MYH11: variants seen among roughly 807,000 people sequenced by gnomAD.
MYH11 encodes the protein myosin-11.
Under a neutral mutation model 246.6 loss-of-function variants are expected in MYH11, and 80 were observed. The observed-to-expected ratio is 0.32, with a 90% CI of 0.27 to 0.39. The LOEUF (loss-of-function observed/expected upper bound fraction) is 0.39. MYH11 is among the 10% of genes least tolerant of loss of function. MYH11 has a pLI of 1.00. For missense variants in MYH11, 2,158 were observed against 2,546.8 expected (o/e 0.85, Z 3.29); for synonymous variants, 1,071 against 1,015.5 (o/e 1.05, Z -1.04).
At position 15,718,395 on chromosome 16, in the gene MYH11, C is replaced by T. The variant is rs1029371842; in HGVS notation, c.5215G>A (p.Ala1739Thr). 1.1e-5 allele frequency: 18 copies of T among 1,598,956 alleles called. No homozygotes were observed. Among genetic ancestry groups the T allele is most frequent in the African/African-American group, 2.7e-5 (2 of 74,936 alleles). ...DEKRRLEARI[A>T]QLEEELEEEQ... Reference sequence around the variant, plus strand: ...TCCTCCAGCTCCTCCTCCAGCTGGGCGATCCGGGCCTCCAGGCGGCGCTTC... The same window carrying T: ...TCCTCCAGCTCCTCCTCCAGCTGGGTGATCCGGGCCTCCAGGCGGCGCTTC... Residue 1739 changes from alanine (A) to threonine (T), a missense_variant, in exon 37 of 41, where the codon GCC (alanine) becomes ACC (threonine). Coordinates refer to ENST00000300036, the MANE Select transcript of MYH11 (RefSeq NM_002474.3).
At chr16:15,821,733 A>C (rs1366288254) in intron 3 of MYH11, among the ~76,000 whole-genome samples, 3 of 147,338 alleles carry the variant, frequency 2.0e-5, no homozygotes, top group Non-Finnish European at 3.0e-5. Flanking sequence ...CCTGGCTAAC[A>C]AGGTGAAACC....
chr16:15,721,412 A>C lies in MYH11; in HGVS notation c.4578+10T>G, dbSNP rs1397405569. On this transcript the variant is annotated intron_variant, in intron 32 of 40. Transcript: ENST00000300036. The stretch of plus-strand genomic sequence containing the variant: ...AACATGGACGAGAAAAACCACCCAG[A>C]GCCACTTACGTTCTTGCCCACGTCA... The C allele has an allele frequency of 6.2e-7, 1 of 1,613,824 alleles. No homozygotes were observed. Among genetic ancestry groups the C allele is most frequent in the African/African-American group, 1.3e-5 (1 of 74,904 alleles).
At chr16:15,846,028 G>A (rs1318068532) in intron 1 of MYH11, among the ~76,000 whole-genome samples, 4 of 152,092 alleles carry the variant, frequency 2.6e-5, no homozygotes, top group Non-Finnish European at 5.9e-5. Context: ...GAACCCGGGA[G>A]GTGGAGGTTG....
At chr16:15,813,706 A>C (rs1428646666) in intron 3 of MYH11, among the ~76,000 whole-genome samples, 5 of 152,106 alleles carry the variant, frequency 3.3e-5, no homozygotes, top group Non-Finnish European at 5.9e-5. Flanking sequence ...TACATGAACC[A>C]GTTTAGCCGG....
chr16:15,847,732 A>G (rs2044233300), intron 1 of MYH11, among the ~76,000 whole-genome samples: 1 of 152,196 alleles, frequency 6.6e-6, no homozygotes, highest in African/African-American at 2.4e-5. Context: ...TCTGTACAAA[A>G]AAGGAGAGCT....
chr16:15,730,158 C>G (rs1207568081), intron 27 of MYH11, among the ~76,000 whole-genome samples: 1 of 151,930 alleles, frequency 6.6e-6, no homozygotes, highest in Non-Finnish European at 1.5e-5. Context: ...TTTCCTGAGG[C>G]CTCCCCAGAA....
At chr16:15,734,139 T>A (rs1247210016) in intron 26 of MYH11, among the ~76,000 whole-genome samples, 1 of 152,216 alleles carries the variant, frequency 6.6e-6, no homozygotes, top group African/African-American at 2.4e-5. Context: ...GAATCTTCAA[T>A]TGAAAACCAA....
chr16:15,727,601 C>T (rs1216094338), intron 27 of MYH11, among the ~76,000 whole-genome samples: 5 of 152,172 alleles, frequency 3.3e-5, no homozygotes, highest in African/African-American at 1.2e-4. Flanking sequence ...CCTTTCACTA[C>T]TTTTAAAAAA....
chr16:15,823,442 A>T, intron 2 of MYH11, 31 bp from the exon 3 acceptor site: 2 of 1,613,884 alleles, frequency 1.2e-6, no homozygotes, highest in South Asian at 1.1e-5. Flanking sequence ...TTACTTCCAG[A>T]CCTCCTCCAG....
At chr16:15,776,034 G>A in intron 8 of MYH11, 44 bp downstream of exon 8, 1 of 1,403,124 alleles carries the variant, frequency 7.1e-7, no homozygotes, top group South Asian at 1.2e-5. Flanking sequence ...TGATGAAAGG[G>A]AAGGCTCAAG....
At position 15,740,112 on chromosome 16, in the gene MYH11, T is replaced by C; in HGVS notation, c.2936A>G (p.Lys979Arg). 6.2e-7 allele frequency: 1 copy of C among 1,614,264 alleles called. No homozygotes were observed. Among genetic ancestry groups the C allele is most frequent in the Non-Finnish European group, 8.5e-7 (1 of 1,180,048 alleles). ...LQLEKVTAEAKIKKLEDEILV... is the reference protein window; with the variant it reads ...LQLEKVTAEARIKKLEDEILV... ...GATCTCATCCTCCAGTTTCTTGATC[T>C]TGGCCTCAGCCGTGACCTTCTCAAG... Residue 979 changes from lysine (K) to arginine (R), a missense_variant, in exon 23 of 41, where the codon AAG becomes AGG. Lys to Arg is a conservative substitution (Grantham distance 26). Around this residue, in one of 11 missense-constraint regions of MYH11, gnomAD observed 284 missense variants for 315.4 expected, o/e 0.90. Coordinates refer to ENST00000300036, the MANE Select transcript of MYH11 (RefSeq NM_002474.3).
intron 2 of MYH11, among the ~76,000 whole-genome samples, chr16:15,827,857 C>A (rs150946342): frequency 0.011 from 1,635 of 152,324 alleles, 19 homozygotes; most frequent in Non-Finnish European, 0.015. Flanking sequence ...CAATCAGTGT[C>A]CCCTGTCCCC....
intron 40 of MYH11, among the ~76,000 whole-genome samples, chr16:15,712,622 G>A (rs1472776994): frequency 1.3e-5 from 2 of 152,108 alleles, no homozygotes; most frequent in Non-Finnish European, 2.9e-5. Flanking sequence ...ATACCCTGGG[G>A]CGGTCTAGTG....
intron 40 of MYH11, among the ~76,000 whole-genome samples, chr16:15,705,736 CT>C (rs973010814): frequency 6.6e-6 from 1 of 152,076 alleles, no homozygotes; most frequent in Non-Finnish European, 1.5e-5. Flanking sequence ...AATCTCAGCA[CT>C]TTGGGAGGCT....
chr16:15,798,615 AAAAAAAAAC>A (rs753638602), intron 4 of MYH11, 36 bp downstream of exon 4: 33 of 1,533,786 alleles, frequency 2.2e-5, no homozygotes, highest in South Asian at 1.3e-4. Context: ...GATTAAAAAA[AAAAAAAAAC>A]AAAAAAAAAA....
chr16:15,760,201 GATGA>G (rs148242233), intron 11 of MYH11, among the ~76,000 whole-genome samples: 5 of 152,026 alleles, frequency 3.3e-5, no homozygotes, highest in African/African-American at 9.7e-5. Flanking sequence ...TGCATGGACA[GATGA>G]ATGAATGAAT....
At chr16:15,793,789 T>C (rs2042675908) in intron 4 of MYH11, among the ~76,000 whole-genome samples, 1 of 145,238 alleles carries the variant, frequency 6.9e-6, no homozygotes, top group Admixed American at 7.0e-5. Flanking sequence ...CCGGCTAATT[T>C]TTTTGTATTT....
rs1353238580 is a variant in MYH11 at position 15,703,549 on chromosome 16, T to C, written c.*442A>G. 3 of 334,702 alleles carry C rather than the reference T, an allele frequency of 9.0e-6. No homozygotes were observed. Among genetic ancestry groups the C allele is most frequent in the Non-Finnish European group, 1.7e-5 (3 of 177,968 alleles). 20.7% of individuals were successfully genotyped at this position (334,702 alleles called of 1,614,324 possible). A position where few individuals can be genotyped will look rare whatever the true frequency, so the allele number is the denominator to read the frequency against. On this transcript the variant is annotated 3_prime_UTR_variant, in exon 41 of 41. Transcript: ENST00000300036. ...TGGGTTTTTCTCATCTCTTACATCA[T>C]ACAAACTTCAATTTTTACCTTGAAT...
intron 9 of MYH11, among the ~76,000 whole-genome samples, chr16:15,764,156 A>C (rs1244362834): frequency 6.6e-6 from 1 of 152,224 alleles, no homozygotes; most frequent in Non-Finnish European, 1.5e-5. Context: ...AGTGGAAAAC[A>C]GCTATACTCA....
Sources: allele counts gnomAD v4.1 joint callset (sites outside exome capture counted in the v4.1 genomes callset), GRCh38; gene constraint gnomAD v4.1.1; regional missense constraint gnomAD v4.1.1; transcripts MANE v1.5; gene names NCBI Gene and HGNC (gene_info 2026-07-23, HGNC 2026-07-21).